The following PTPRM variants were observed in gnomAD, a reference collection of about 807,000 sequenced individuals.
PTPRM encodes receptor-type tyrosine-protein phosphatase mu.
In PTPRM, 47 loss-of-function variants were observed where a neutral mutation model predicts 186.7. That is an observed-to-expected ratio of 0.25 (90% CI 0.20 to 0.32). PTPRM has a LOEUF of 0.32. Ranked by LOEUF, PTPRM falls within the 10% of genes least tolerant of loss-of-function variation. The probability of loss-of-function intolerance (pLI) is 1.00; values close to 1 mark genes in which losing one functional copy is unlikely to be tolerated. For missense variants in PTPRM, 1,494 were observed against 1,865.0 expected (o/e 0.80, Z 3.66); for synonymous variants, 668 against 674.9 (o/e 0.99, Z 0.16).
intron 1 of PTPRM, among the ~76,000 whole-genome samples, chr18:7,669,239 C>G (rs570294581): frequency 6.6e-6 from 1 of 152,056 alleles, no homozygotes; most frequent in Admixed American, 6.5e-5. Flanking sequence ...GTCACAACAC[C>G]GAATCCATTC....
intron 14 of PTPRM, among the ~76,000 whole-genome samples, chr18:8,190,599 A>G (rs2093697609): frequency 6.6e-6 from 1 of 152,200 alleles, no homozygotes; most frequent in Non-Finnish European, 1.5e-5. Flanking sequence ...TTATTTAAAT[A>G]TTGTATGTTT....
chr18:7,715,555 A>G (rs747561565), intron 1 of PTPRM, among the ~76,000 whole-genome samples: 4 of 152,232 alleles, frequency 2.6e-5, no homozygotes, highest in Non-Finnish European at 5.9e-5. Flanking sequence ...TAGGAAGAGA[A>G]GAAGTCAAAT....
At chr18:7,972,476 C>A (rs867051070) in intron 7 of PTPRM, among the ~76,000 whole-genome samples, 2,425 of 10,388 alleles carry the variant, frequency 0.23, 12 homozygotes, top group Middle Eastern at 0.35. Flanking sequence ...AAAAAAAAAA[C>A]ATTAAAAAAA....
chr18:8,033,126 T>G (rs1243028811), intron 7 of PTPRM, among the ~76,000 whole-genome samples: 1 of 152,080 alleles, frequency 6.6e-6, no homozygotes, highest in African/African-American at 2.4e-5. Context: ...GAGAAAAAAT[T>G]TAAAATCTGA....
chr18:8,284,578 T>G (rs1282724143), intron 19 of PTPRM, among the ~76,000 whole-genome samples: 1 of 151,392 alleles, frequency 6.6e-6, no homozygotes, highest in Non-Finnish European at 1.5e-5. Flanking sequence ...TCTCCCTGCC[T>G]CTACTAAAAA....
Position 8,314,804 on chromosome 18 carries a change from C to A in PTPRM, c.2866C>A (p.Gln956Lys). ...IAYDHSRVRL[Q>K]TIEGDTNSDY... Reference sequence around the variant, plus strand: ...AGACGATCATTCCCGAGTGAGGCTGCAGACAATAGAAGGAGACACAAACTC... The same window carrying A: ...AGACGATCATTCCCGAGTGAGGCTGAAGACAATAGAAGGAGACACAAACTC... Residue 956 changes from glutamine to lysine, a missense_variant, in exon 21 of 33, where the codon CAG becomes AAG. This residue lies in a region of PTPRM where 1,107 missense variants were observed against 1,350.2 expected (regional missense o/e 0.82). Transcript: ENST00000580170. 1.9e-6 allele frequency: 3 copies of A among 1,611,960 alleles called. No individual in the cohort carries two copies. Among genetic ancestry groups the A allele is most frequent in the Non-Finnish European group, 1.7e-6 (2 of 1,178,506 alleles).
At chr18:7,826,245 T>C (rs555852887) in intron 2 of PTPRM, among the ~76,000 whole-genome samples, 13 of 152,248 alleles carry the variant, frequency 8.5e-5, no homozygotes, top group Non-Finnish European at 1.6e-4. Context: ...GTGAGATTTA[T>C]ATTTCATAAA....
intron 2 of PTPRM, among the ~76,000 whole-genome samples, chr18:7,819,828 C>G (rs1051913967): frequency 6.6e-6 from 1 of 152,112 alleles, no homozygotes; most frequent in African/African-American, 2.4e-5. Context: ...GCTGAAGAAG[C>G]AAGCCATACC....
At chr18:7,733,535 G>T (rs560019907) in intron 1 of PTPRM, among the ~76,000 whole-genome samples, 40 of 152,238 alleles carry the variant, frequency 2.6e-4, no homozygotes, top group South Asian at 2.1e-4. Flanking sequence ...AAATAGTGCT[G>T]CAGTAAACAT....
At chr18:7,891,944 T>G (rs750161185) in intron 3 of PTPRM, among the ~76,000 whole-genome samples, 2 of 152,130 alleles carry the variant, frequency 1.3e-5, no homozygotes, top group Non-Finnish European at 2.9e-5. Context: ...CAGAGGTTTT[T>G]GTATGGTGGC....
chr18:8,109,135 G>T (rs1315061432), intron 11 of PTPRM, among the ~76,000 whole-genome samples: 1 of 152,164 alleles, frequency 6.6e-6, no homozygotes, highest in Non-Finnish European at 1.5e-5. Context: ...GATGTTACTT[G>T]TACAGATGAA....
chr18:8,391,447 G>C (rs553199563), intron 31 of PTPRM, among the ~76,000 whole-genome samples: 1 of 152,322 alleles, frequency 6.6e-6, no homozygotes, highest in Non-Finnish European at 1.5e-5. Context: ...CACCGTGGGT[G>C]ATTCTCACAC....
intron 32 of PTPRM, among the ~76,000 whole-genome samples, chr18:8,402,679 C>T (rs1002822791): frequency 1.3e-5 from 2 of 152,160 alleles, no homozygotes; most frequent in African/African-American, 4.8e-5. Context: ...GCCAAGATGT[C>T]GGCCTGGTGA....
At chr18:8,288,400 T>C (rs1457407862) in intron 19 of PTPRM, among the ~76,000 whole-genome samples, 1 of 152,192 alleles carries the variant, frequency 6.6e-6, no homozygotes, top group African/African-American at 2.4e-5. Flanking sequence ...TCTCTGTTAT[T>C]AAACTGTTTT....
At chr18:8,014,668 A>T (rs2084748188) in intron 7 of PTPRM, among the ~76,000 whole-genome samples, 1 of 152,220 alleles carries the variant, frequency 6.6e-6, no homozygotes, top group African/African-American at 2.4e-5. Context: ...GAAAATTTGT[A>T]GATGGGTCTA....
intron 26 of PTPRM, chr18:8,378,021 T>G (rs537985195): frequency 8.2e-5 from 31 of 377,076 alleles, no homozygotes; most frequent in Middle Eastern, 6.9e-4. Flanking sequence ...GACAGAGGTC[T>G]TCAGCCACAG....
intron 19 of PTPRM, among the ~76,000 whole-genome samples, chr18:8,286,678 A>G (rs1397953386): frequency 1.3e-5 from 2 of 152,206 alleles, no homozygotes; most frequent in Non-Finnish European, 2.9e-5. Flanking sequence ...GTTCCATACA[A>G]GTGTTTGCTT....
chr18:7,814,791 A>G (rs902363937), intron 2 of PTPRM: 1 of 152,200 alleles, frequency 6.6e-6, no homozygotes, highest in Non-Finnish European at 1.5e-5. Flanking sequence ...CATGTCTGCC[A>G]CACTTGTCTT....
intron 1 of PTPRM, among the ~76,000 whole-genome samples, chr18:7,727,457 CAG>C (rs1451360440): frequency 2.0e-5 from 3 of 152,120 alleles, no homozygotes; most frequent in African/African-American, 4.8e-5. Flanking sequence ...TGTATATACT[CAG>C]ATAAATTTTT....
Sources: allele counts gnomAD v4.1 joint callset (sites outside exome capture counted in the v4.1 genomes callset), GRCh38; gene constraint gnomAD v4.1.1; regional missense constraint gnomAD v4.1.1; transcripts MANE v1.5; gene names NCBI Gene and HGNC (gene_info 2026-07-23, HGNC 2026-07-21).